CAMK2B: variants seen among roughly 807,000 people sequenced by gnomAD.
CAMK2B encodes the protein calcium/calmodulin dependent protein kinase II beta.
In CAMK2B, 27 loss-of-function variants were observed where a neutral mutation model predicts 93.7. The ratio of observed to expected loss-of-function variants is 0.29; its 90% CI spans 0.21 to 0.40. CAMK2B has a LOEUF of 0.40. CAMK2B is among the 10% of genes least tolerant of loss of function. The probability of loss-of-function intolerance (pLI) is 1.00; values close to 1 mark genes in which losing one functional copy is unlikely to be tolerated. For synonymous variants in CAMK2B, 374 were observed against 358.8 expected, an observed-to-expected ratio of 1.04 and a Z score of -0.48; for missense variants, 568 against 895.8, an observed-to-expected ratio of 0.63 and a Z score of 4.67.
At chr7:44,257,148 T>TC (rs2096841004) in intron 4 of CAMK2B, among the ~76,000 whole-genome samples, 1 of 152,006 alleles carries the variant, frequency 6.6e-6, no homozygotes, top group Non-Finnish European at 1.5e-5. Flanking sequence ...TATCTGTCAA[T>TC]CCCCCAGAAT....
chr7:44,295,994 G>A (rs923347589), intron 1 of CAMK2B, among the ~76,000 whole-genome samples: 15 of 152,112 alleles, frequency 9.9e-5, no homozygotes, highest in Non-Finnish European at 4.4e-5. Flanking sequence ...ACATCCTGCT[G>A]TCACATTACT....
At chr7:44,284,299 T>G in intron 1 of CAMK2B, 74 bp from the exon 2 acceptor site, 1 of 1,088,296 alleles carries the variant, frequency 9.2e-7, no homozygotes, top group Non-Finnish European at 1.4e-6. Context: ...CCGATTAATC[T>G]CCCCATAAAC....
intron 1 of CAMK2B, among the ~76,000 whole-genome samples, chr7:44,304,360 C>A (rs1790879595): frequency 6.6e-6 from 1 of 152,116 alleles, no homozygotes; most frequent in African/African-American, 2.4e-5. Context: ...CTTCAGCAAG[C>A]AAATGAACAA....
chr7:44,275,400 C>T (rs1169519903), intron 2 of CAMK2B, among the ~76,000 whole-genome samples: 2 of 152,254 alleles, frequency 1.3e-5, no homozygotes, highest in African/African-American at 2.4e-5. Flanking sequence ...CAGCACCCTC[C>T]GCGCAGCCCG....
chr7:44,277,839 C>T (rs962255284), intron 2 of CAMK2B, among the ~76,000 whole-genome samples: 22 of 151,552 alleles, frequency 1.5e-4, no homozygotes, highest in African/African-American at 5.1e-4. Flanking sequence ...AAGGCCATTG[C>T]TCTCTGGGTC....
intron 4 of CAMK2B, among the ~76,000 whole-genome samples, chr7:44,258,029 C>T (rs2096848727): frequency 6.6e-6 from 1 of 152,246 alleles, no homozygotes; most frequent in African/African-American, 2.4e-5. Flanking sequence ...TGGGCCCTTG[C>T]CCAGGTCAGG....
chr7:44,282,019 A>C (rs557138875), intron 2 of CAMK2B, among the ~76,000 whole-genome samples: 1 of 152,144 alleles, frequency 6.6e-6, no homozygotes, highest in African/African-American at 2.4e-5. Flanking sequence ...CCCATTCCAG[A>C]GGCTCTACCA....
At chr7:44,219,791 G>T (rs1430742844) in intron 23 of CAMK2B, among the ~76,000 whole-genome samples, 1 of 152,130 alleles carries the variant, frequency 6.6e-6, no homozygotes, top group Non-Finnish European at 1.5e-5. Context: ...GCTGCCCGGG[G>T]CCCATCCACC....
At chr7:44,262,546 T>G (rs1398921116) in intron 3 of CAMK2B, among the ~76,000 whole-genome samples, 1 of 152,218 alleles carries the variant, frequency 6.6e-6, no homozygotes, top group Non-Finnish European at 1.5e-5. Context: ...GGCCATCTTG[T>G]GGCTTTTCTT....
At chr7:44,229,232 TG>T (rs1230592580) in intron 18 of CAMK2B, 155 bp downstream of exon 18, 3 of 622,342 alleles carry the variant, frequency 4.8e-6, no homozygotes, top group Non-Finnish European at 8.6e-6. Flanking sequence ...CTCGATGGGC[TG>T]GGGCCACCCT....
At chr7:44,281,946 A>T (rs2097105436) in intron 2 of CAMK2B, among the ~76,000 whole-genome samples, 1 of 151,984 alleles carries the variant, frequency 6.6e-6, no homozygotes, top group Non-Finnish European at 1.5e-5. Context: ...AACCAGAAGG[A>T]CCTCTCATTC....
At chr7:44,314,185 C>T (rs1047411390) in intron 1 of CAMK2B, among the ~76,000 whole-genome samples, 3 of 152,138 alleles carry the variant, frequency 2.0e-5, no homozygotes, top group Non-Finnish European at 4.4e-5. Context: ...ATAAATATAT[C>T]TCAACAAATA....
intron 15 of CAMK2B, 116 bp from the exon 16 acceptor site, chr7:44,232,982 G>T: frequency 1.1e-6 from 1 of 907,410 alleles, no homozygotes; most frequent in Non-Finnish European, 1.8e-6. Context: ...GCCAGAGCCT[G>T]CGAGAAAGAA....
rs748163717 is a variant in CAMK2B at position 44,271,776 on chromosome 7, C to A, written c.161-8712G>T. On this transcript the variant is annotated intron_variant, in intron 2 of 23. Coordinates refer to ENST00000395749, the MANE Select transcript of CAMK2B (RefSeq NM_001220.5). This position sits in a 1 kb window ranked among gnomAD's most constrained non-coding sequence, Gnocchi z 4.2. The stretch of plus-strand genomic sequence containing the variant: ...CTTGGGCCATGCGGCAGGGACTGCC[C>A]ATCCAGTCTCAGGGTGCAGGCCGGT... Among the ~76,000 whole-genome samples the A allele has an allele frequency of 6.6e-6, 1 of 152,246 alleles. No homozygotes were observed. The highest frequency in any genetic ancestry group is 1.5e-5 in the Non-Finnish European group (1 of 68,038).
chr7:44,262,986 C>A lies in CAMK2B; in HGVS notation c.220+19G>T. On this transcript the variant is annotated intron_variant, in intron 3 of 23. Transcript: ENST00000395749. The stretch of plus-strand genomic sequence containing the variant: ...AGAAGGTGGGGACCCATCCCCGCTC[C>A]CTACCCCAGGCTGCTCACCGATGTT... The A allele has an allele frequency of 6.2e-7, 1 of 1,610,172 alleles. No individual in the cohort carries two copies. Among genetic ancestry groups the A allele is most frequent in the South Asian group, 1.1e-5 (1 of 90,774 alleles).
rs192164670 is a variant in CAMK2B at position 44,309,068 on chromosome 7, G to C, written c.65+16289C>G. On this transcript the variant is annotated intron_variant, in intron 1 of 23. Coordinates refer to ENST00000395749, the MANE Select transcript of CAMK2B (RefSeq NM_001220.5). ...GAGCCCTGCCCAGCACTGCCCGCCTGGCCTAGTAGGCTCCTACCACCAACG... is the reference window on the plus strand; with the variant it reads ...GAGCCCTGCCCAGCACTGCCCGCCTCGCCTAGTAGGCTCCTACCACCAACG... Among the ~76,000 whole-genome samples the C allele has an allele frequency of 9.5e-4, 145 of 152,330 alleles. No individual in the cohort carries two copies. In the Middle Eastern group the frequency reaches 0.034, roughly 36 times the overall value.
chr7:44,275,172 C>T (rs1382964769), intron 2 of CAMK2B, among the ~76,000 whole-genome samples: 3 of 152,212 alleles, frequency 2.0e-5, no homozygotes, highest in African/African-American at 7.2e-5. Flanking sequence ...CCTCCCTCAC[C>T]CCCTCCAAAT....
rs958258722 is a variant in CAMK2B, at chr7:44,324,706, C to G, written c.65+651G>C. 8.5e-5 allele frequency among the ~76,000 whole-genome samples: 13 copies of G among 152,304 alleles called. No individual in the cohort carries two copies. In the South Asian group the frequency reaches 2.7e-3, roughly 32 times the overall value. On this transcript the variant is annotated intron_variant, in intron 1 of 23. Transcript: ENST00000395749. Reference sequence around the variant, plus strand: ...GGCTCTTAGTCTCTCCCCGCTATCCCCATGACCTGATCCAGGCTCCCTGAC... The same window carrying G: ...GGCTCTTAGTCTCTCCCCGCTATCCGCATGACCTGATCCAGGCTCCCTGAC...
At chr7:44,278,827 A>T (rs957067764) in intron 2 of CAMK2B, among the ~76,000 whole-genome samples, 18 of 152,250 alleles carry the variant, frequency 1.2e-4, no homozygotes, top group African/African-American at 4.1e-4. Flanking sequence ...CCCAGATTTC[A>T]ACTCCAAGGG....
Sources: gnomAD v4.1 joint callset for allele counts (sites outside exome capture counted in the v4.1 genomes callset) on GRCh38, gnomAD v4.1.1 for gene constraint, Gnocchi (gnomAD v3.1) non-coding constraint, MANE v1.5 for transcripts, NCBI Gene and HGNC (gene_info 2026-07-23, HGNC 2026-07-21) for gene names.